CEP350: variants seen among roughly 807,000 people sequenced by gnomAD.
The protein encoded by CEP350 is centrosome-associated protein 350.
CEP350 carries 126 observed loss-of-function variants against 331.8 expected under a neutral mutation model. The ratio of observed to expected loss-of-function variants is 0.38; its 90% CI spans 0.33 to 0.44. The LOEUF is 0.44. Among genes scored for constraint, CEP350 ranks in the 20% least tolerant of loss-of-function variants. The probability of loss-of-function intolerance (pLI) is 1.00; values close to 1 mark genes in which losing one functional copy is unlikely to be tolerated. For synonymous variants in CEP350, 1,200 were observed against 1,259.5 expected (o/e 0.95, Z 1.00); for missense variants, 3,406 against 3,634.6 (o/e 0.94, Z 1.62).
chr1:180,053,223 A>T lies in CEP350; in HGVS notation c.4989+57A>T, dbSNP rs950659617. On this transcript the variant is annotated intron_variant, in intron 23 of 37. Coordinates refer to ENST00000367607, the MANE Select transcript of CEP350 (RefSeq NM_014810.5). The stretch of plus-strand genomic sequence containing the variant: ...GTTGTGGATATGTTCTCTCAAAGAT[A>T]TGAGAAAACATTTTGTACTTATCTC... The T allele has an allele frequency of 1.2e-5, 10 of 836,028 alleles. No individual in the cohort carries two copies. The East Asian group carries it at 2.7e-4, about 22-fold the overall frequency. The allele number at this position is 836,028 out of a possible 1,614,324, so 51.8% of individuals were successfully genotyped here.
chr1:180,091,353 T>C (rs1218515797), intron 33 of CEP350, among the ~76,000 whole-genome samples: 1 of 152,046 alleles, frequency 6.6e-6, no homozygotes, highest in Non-Finnish European at 1.5e-5. Context: ...AATCAGTCTT[T>C]ATTGTCCAAA....
intron 37 of CEP350, among the ~76,000 whole-genome samples, chr1:180,102,280 C>T (rs892021539): frequency 1.3e-5 from 2 of 152,120 alleles, no homozygotes; most frequent in African/African-American, 2.4e-5. Context: ...GGATTAGAGG[C>T]GCATGCCACC....
At chr1:180,019,713 A>G (rs1003494649) in intron 11 of CEP350, among the ~76,000 whole-genome samples, 8 of 152,192 alleles carry the variant, frequency 5.3e-5, no homozygotes, top group African/African-American at 1.9e-4. Flanking sequence ...TGTACAAACA[A>G]TACCACCAAA....
chr1:180,011,598 A>G (rs1217264877), intron 8 of CEP350, among the ~76,000 whole-genome samples: 2 of 151,980 alleles, frequency 1.3e-5, no homozygotes, highest in Non-Finnish European at 2.9e-5. Flanking sequence ...CCCTCCACAC[A>G]CCTGGCTAAT....
intron 27 of CEP350, among the ~76,000 whole-genome samples, chr1:180,069,673 T>G (rs994651509): frequency 3.9e-5 from 6 of 152,182 alleles, no homozygotes; most frequent in Admixed American, 2.6e-4. Flanking sequence ...CTATAGAAAA[T>G]CATACCTAAG....
intron 8 of CEP350, among the ~76,000 whole-genome samples, chr1:180,011,577 G>A (rs1366789060): frequency 6.6e-6 from 1 of 152,082 alleles, no homozygotes; most frequent in Admixed American, 6.5e-5. Context: ...TAGTAGCTGG[G>A]ATTATAGGCA....
chr1:180,074,616 G>A (rs775046576), intron 27 of CEP350, among the ~76,000 whole-genome samples: 3 of 152,070 alleles, frequency 2.0e-5, no homozygotes, highest in Non-Finnish European at 4.4e-5. Flanking sequence ...GTTGTTTTTG[G>A]TATTTGTTGT....
Position 180,111,238 on chromosome 1 carries a change from C to T in CEP350, c.*77C>T. 1 of 1,531,286 alleles carries T rather than the reference C, an allele frequency of 6.5e-7. No individual in the cohort carries two copies. The highest frequency in any genetic ancestry group is 1.2e-5 in the South Asian group (1 of 81,580). The allele number at this position is 1,531,286 out of a possible 1,614,324, so 94.9% of individuals were successfully genotyped here. Reference sequence around the variant, plus strand: ...CTGCCTCCTGATGTACACCCATCGCCATCATAGCAAGAGTGCTTCTGGACC... The same window carrying T: ...CTGCCTCCTGATGTACACCCATCGCTATCATAGCAAGAGTGCTTCTGGACC... On this transcript the variant is annotated 3_prime_UTR_variant, in exon 38 of 38. Transcript: ENST00000367607.
intron 1 of CEP350, among the ~76,000 whole-genome samples, chr1:179,971,258 A>G (rs1651432606): frequency 6.6e-6 from 1 of 151,710 alleles, no homozygotes; most frequent in Non-Finnish European, 1.5e-5. Context: ...CGAACTCCTG[A>G]CTGCAGGTGA....
At chr1:179,963,266 C>T (rs1179708779) in intron 1 of CEP350, among the ~76,000 whole-genome samples, 5 of 151,716 alleles carry the variant, frequency 3.3e-5, no homozygotes, top group Non-Finnish European at 1.5e-5. Context: ...TTTAGGTTAC[C>T]TCTTTACTTT....
chr1:180,032,255 T>G (rs1051647515), intron 15 of CEP350, among the ~76,000 whole-genome samples: 1 of 152,150 alleles, frequency 6.6e-6, no homozygotes, highest in Non-Finnish European at 1.5e-5. Flanking sequence ...ACAGATTTAT[T>G]TTTTCCTTTT....
At chr1:179,992,349 C>T (rs539171500) in intron 5 of CEP350, 128 bp downstream of exon 5, 1 of 672,804 alleles carries the variant, frequency 1.5e-6, no homozygotes, top group East Asian at 3.5e-5. Context: ...TCTAATATTA[C>T]TACCTTTTTC....
chr1:179,998,795 G>GT (rs1653663245), intron 6 of CEP350, among the ~76,000 whole-genome samples: 1 of 151,950 alleles, frequency 6.6e-6, no homozygotes, highest in African/African-American at 2.4e-5. Flanking sequence ...CCAATTATTA[G>GT]TTTTTTGTAT....
intron 36 of CEP350, among the ~76,000 whole-genome samples, chr1:180,098,174 T>G (rs1161801620): frequency 6.6e-6 from 1 of 152,140 alleles, no homozygotes; most frequent in Non-Finnish European, 1.5e-5. Flanking sequence ...TTCTCCATGT[T>G]GGTCAGGCTG....
chr1:180,002,019 C>T (rs1460883397), intron 6 of CEP350, among the ~76,000 whole-genome samples: 1 of 152,184 alleles, frequency 6.6e-6, no homozygotes, highest in Non-Finnish European at 1.5e-5. Context: ...AAAAGCTGCT[C>T]AGTATCATTA....
intron 14 of CEP350, among the ~76,000 whole-genome samples, chr1:180,026,697 C>G (rs746527068): frequency 2.6e-5 from 4 of 152,182 alleles, no homozygotes; most frequent in Non-Finnish European, 5.9e-5. Flanking sequence ...CTGCGTACTT[C>G]ATATAAGTGG....
chr1:180,067,697 A>C (rs1043856541), intron 27 of CEP350, among the ~76,000 whole-genome samples: 1 of 152,216 alleles, frequency 6.6e-6, no homozygotes, highest in East Asian at 1.9e-4. Flanking sequence ...CTCAAAAAAA[A>C]AGAAATCTGA....
intron 1 of CEP350, among the ~76,000 whole-genome samples, chr1:179,984,473 CCA>C (rs1449420251): frequency 6.6e-6 from 1 of 152,140 alleles, no homozygotes; most frequent in African/African-American, 2.4e-5. Context: ...CAGTTCTTTG[CCA>C]CATGGACATC....
At chr1:180,003,753 G>A (rs777547189) in intron 7 of CEP350, among the ~76,000 whole-genome samples, 1 of 152,162 alleles carries the variant, frequency 6.6e-6, no homozygotes, top group Non-Finnish European at 1.5e-5. Flanking sequence ...GAGGGTAATA[G>A]GAAGGTCATA....
Sources: allele counts gnomAD v4.1 joint callset (sites outside exome capture counted in the v4.1 genomes callset), GRCh38; gene constraint gnomAD v4.1.1; transcripts MANE v1.5; gene names NCBI Gene and HGNC (gene_info 2026-07-23, HGNC 2026-07-21).